Variants in SEC24B observed in about 807,000 individuals in gnomAD.
SEC24B encodes the protein SEC24 homolog B, COPII component, also known as protein transport protein Sec24B.
A neutral mutation model predicts 142.8 loss-of-function variants in SEC24B; 45 were observed. The ratio of observed to expected loss-of-function variants is 0.32; its 90% CI spans 0.25 to 0.40. The LOEUF (loss-of-function observed/expected upper bound fraction) is 0.40, where lower values mean the gene tolerates loss of function less well. Ranked by LOEUF, SEC24B falls within the 10% of genes least tolerant of loss-of-function variation. The pLI is 1.00. For missense variants in SEC24B, 1,409 were observed against 1,526.8 expected (o/e 0.92, Z 1.29); for synonymous variants, 574 against 568.2 (o/e 1.01, Z -0.15).
intron 1 of SEC24B, among the ~76,000 whole-genome samples, chr4:109,446,325 G>A (rs748194156): frequency 1.8e-4 from 27 of 152,188 alleles, no homozygotes; most frequent in Admixed American, 3.3e-4. Flanking sequence ...TTTGGAGATG[G>A]AAGGGGCCAC....
At chr4:109,453,309 G>A (rs1164635996) in intron 1 of SEC24B, among the ~76,000 whole-genome samples, 1 of 152,116 alleles carries the variant, frequency 6.6e-6, no homozygotes, top group Non-Finnish European at 1.5e-5. Flanking sequence ...CAGAGAACCA[G>A]TCTGACTAGA....
At chr4:109,493,698 G>C (rs1227182734) in intron 5 of SEC24B, among the ~76,000 whole-genome samples, 1 of 150,384 alleles carries the variant, frequency 6.6e-6, no homozygotes, top group Non-Finnish European at 1.5e-5. Context: ...GCGCAATCTC[G>C]GCTCACTGCA....
intron 18 of SEC24B, 22 bp downstream of exon 18, chr4:109,527,454 A>T (rs768805661): frequency 9.4e-6 from 14 of 1,495,568 alleles, no homozygotes; most frequent in African/African-American, 1.4e-5. Flanking sequence ...TTGAAGGAAC[A>T]TGTGAAATGT....
chr4:109,435,469 C>T (rs1728323046), intron 1 of SEC24B, among the ~76,000 whole-genome samples: 2 of 152,174 alleles, frequency 1.3e-5, no homozygotes, highest in African/African-American at 4.8e-5. Context: ...ACATTGTAGA[C>T]TCATGTTTAC....
intron 6 of SEC24B, among the ~76,000 whole-genome samples, chr4:109,503,434 C>A (rs1029107204): frequency 7.9e-5 from 12 of 152,118 alleles, no homozygotes; most frequent in Non-Finnish European, 1.3e-4. Flanking sequence ...CCATGTTGGC[C>A]AGGCTGGTCT....
intron 5 of SEC24B, 67 bp downstream of exon 5, chr4:109,491,474 T>G: frequency 8.5e-7 from 1 of 1,182,130 alleles, no homozygotes; most frequent in South Asian, 1.2e-5. Context: ...CCTTCAAATG[T>G]GAACATGTAT....
At chr4:109,507,230 TCTC>T (rs941802258) in intron 7 of SEC24B, among the ~76,000 whole-genome samples, 4 of 151,942 alleles carry the variant, frequency 2.6e-5, no homozygotes, top group African/African-American at 9.7e-5. Context: ...ATCTGGAATT[TCTC>T]CTCCTCATAA....
At position 109,530,404 on chromosome 4, in the gene SEC24B, A is replaced by G. The variant is rs1724774002; in HGVS notation, c.3192A>G (p.Ala1064=). The change falls in exon 19 of 24, where the codon GCA becomes GCG. Residue 1064 remains alanine, a synonymous_variant. Transcript: ENST00000265175. ...GSTVSNLQHS[A]LMAPSSLKLF... ...CTGTCTCAAATTTACAGCACTCTGC[A>G]TTGATGGCGCCCAGCTCCCTCAAGT... 2 of 1,614,170 alleles carry G rather than the reference A, an allele frequency of 1.2e-6. No individual in the cohort carries two copies. Among genetic ancestry groups the G allele is most frequent in the Non-Finnish European group, 1.7e-6 (2 of 1,180,016 alleles).
At chr4:109,491,065 A>T (rs981685086) in intron 4 of SEC24B, among the ~76,000 whole-genome samples, 3 of 152,112 alleles carry the variant, frequency 2.0e-5, no homozygotes, top group Non-Finnish European at 4.4e-5. Context: ...ATAGTTTAAT[A>T]TCTGTTCTTC....
intron 22 of SEC24B, among the ~76,000 whole-genome samples, chr4:109,534,174 GAATCAGTAGT>G (rs1725237816): frequency 6.6e-6 from 1 of 151,732 alleles, no homozygotes; most frequent in South Asian, 2.1e-4. Flanking sequence ...TCCTGAGTAG[GAATCAGTAGT>G]AACCTTACTC....
intron 11 of SEC24B, among the ~76,000 whole-genome samples, chr4:109,517,943 G>GTTTA (rs1188019909): frequency 3.0e-4 from 42 of 139,826 alleles, no homozygotes; most frequent in African/African-American, 9.1e-4. Context: ...TTGTTTGTTT[G>GTTTA]TTTGTTTATT....
At chr4:109,533,451 A>G in intron 21 of SEC24B, 142 bp from the exon 22 acceptor site, 2 of 640,280 alleles carry the variant, frequency 3.1e-6, no homozygotes, top group South Asian at 3.8e-5. Flanking sequence ...TCTTACATAT[A>G]GATTCACAAT....
intron 4 of SEC24B, among the ~76,000 whole-genome samples, chr4:109,482,977 T>TACACACACACAC (rs1328212925): frequency 2.1e-5 from 1 of 47,478 alleles, no homozygotes. Flanking sequence ...TATATATATA[T>TACACACACACAC]ATACACACAC....
In SEC24B at chr4:109,463,244, C is replaced by T; in HGVS notation, c.477C>T (p.Tyr159=). 6.2e-7 allele frequency: 1 copy of T among 1,614,136 alleles called. No homozygotes were observed. The highest frequency in any genetic ancestry group is 8.5e-7 in the Non-Finnish European group (1 of 1,180,006). Residue 159 remains tyrosine (Y), a synonymous_variant, in exon 2 of 24, where the codon TAC becomes TAT. Coordinates refer to ENST00000265175, the MANE Select transcript of SEC24B (RefSeq NM_006323.5). ...SQPYSSFVNH[Y]NSPAMYSASS... ...CATACTCCTCTTTTGTGAATCACTA[C>T]AATAGTCCAGCCATGTACTCTGCCA... is the stretch of plus-strand genomic sequence containing the variant.
intron 22 of SEC24B, among the ~76,000 whole-genome samples, chr4:109,536,945 TAAATA>T (rs1466575927): frequency 1.3e-5 from 2 of 151,786 alleles, no homozygotes; most frequent in African/African-American, 2.4e-5. Context: ...TAACAATAAA[TAAATA>T]AATAAAGCCA....
chr4:109,511,068 C>T (rs1737267347), intron 8 of SEC24B, among the ~76,000 whole-genome samples: 1 of 151,788 alleles, frequency 6.6e-6, no homozygotes, highest in Non-Finnish European at 1.5e-5. Context: ...CTATAATACT[C>T]TGAAAACCTT....
intron 7 of SEC24B, among the ~76,000 whole-genome samples, chr4:109,507,195 C>G (rs1736779008): frequency 6.6e-6 from 1 of 151,468 alleles, no homozygotes; most frequent in Non-Finnish European, 1.5e-5. Flanking sequence ...TAGTTTTTTT[C>G]TTTTTTTGGA....
chr4:109,519,179 G>A (rs1043763245), intron 11 of SEC24B, among the ~76,000 whole-genome samples: 4 of 152,154 alleles, frequency 2.6e-5, no homozygotes, highest in Non-Finnish European at 5.9e-5. Flanking sequence ...CCAGGTTGAT[G>A]CATGGAGTGG....
chr4:109,518,161 A>C (rs2126064908), intron 11 of SEC24B, among the ~76,000 whole-genome samples: 1 of 152,150 alleles, frequency 6.6e-6, no homozygotes, highest in South Asian at 2.1e-4. Flanking sequence ...TCACATTAGT[A>C]ATGAGCTGGA....
Sources: gnomAD v4.1 joint callset for allele counts (sites outside exome capture counted in the v4.1 genomes callset) on GRCh38, gnomAD v4.1.1 for gene constraint, MANE v1.5 for transcripts, NCBI Gene and HGNC (gene_info 2026-07-23, HGNC 2026-07-21) for gene names.